Variants in HACD2 observed in about 807,000 individuals in gnomAD.
HACD2 encodes the protein very-long-chain (3R)-3-hydroxyacyl-CoA dehydratase 2.
A neutral mutation model predicts 31.0 loss-of-function variants in HACD2; 15 were observed. That is an observed-to-expected ratio of 0.48 (90% CI 0.32 to 0.75). The LOEUF is 0.75. Among genes scored for constraint, HACD2 ranks in the 30% least tolerant of loss-of-function variants. The pLI is 0.03. For synonymous variants in HACD2, 115 were observed against 122.2 expected (o/e 0.94, Z 0.39); for missense variants, 283 against 313.0 (o/e 0.90, Z 0.72).
At chr3:123,496,348 G>A (rs905239010) in intron 6 of HACD2, among the ~76,000 whole-genome samples, 9 of 152,132 alleles carry the variant, frequency 5.9e-5, no homozygotes, top group Admixed American at 3.3e-4. Context: ...ATACTGTCAC[G>A]AATATTTTTT....
At chr3:123,554,026 T>C (rs2056647250) in intron 3 of HACD2, among the ~76,000 whole-genome samples, 1 of 60,662 alleles carries the variant, frequency 1.6e-5, no homozygotes. Context: ...TTCTTGAAAA[T>C]GCTGCTGCAT....
At chr3:123,544,689 A>T (rs1288729403) in intron 3 of HACD2, among the ~76,000 whole-genome samples, 1 of 152,240 alleles carries the variant, frequency 6.6e-6, no homozygotes, top group African/African-American at 2.4e-5. Context: ...GGAATTATTT[A>T]TCTAAAGTTT....
Position 123,495,019 on chromosome 3 carries a change from T to C in HACD2, c.683-49A>G, listed in dbSNP as rs2055815825. 6 of 1,151,222 alleles carry C rather than the reference T, an allele frequency of 5.2e-6. No individual in the cohort carries two copies. The East Asian group carries it at 1.3e-4, about 25-fold the overall frequency. The allele number at this position is 1,151,222 out of a possible 1,614,324, so 71.3% of individuals were successfully genotyped here. On this transcript the variant is annotated intron_variant, in intron 6 of 6. Coordinates refer to ENST00000383657, the MANE Select transcript of HACD2 (RefSeq NM_198402.5). ...TAAGAGGATGGTTTAAAATTGCATA[T>C]GCTCTATTTAAAGCATATGAAGTTG... is the stretch of plus-strand genomic sequence containing the variant.
chr3:123,571,764 T>C (rs2056858079), intron 2 of HACD2, among the ~76,000 whole-genome samples: 1 of 152,208 alleles, frequency 6.6e-6, no homozygotes, highest in African/African-American at 2.4e-5. Flanking sequence ...TAGAAAACTA[T>C]GAGCTAATCG....
chr3:123,556,709 C>T (rs934444817), intron 3 of HACD2, among the ~76,000 whole-genome samples: 1 of 152,016 alleles, frequency 6.6e-6, no homozygotes, highest in Non-Finnish European at 1.5e-5. Context: ...TTGCTGAACA[C>T]CTGTCTGATA....
intron 6 of HACD2, among the ~76,000 whole-genome samples, chr3:123,495,474 C>T (rs2055821373): frequency 2.6e-5 from 4 of 152,056 alleles, no homozygotes; most frequent in Admixed American, 2.6e-4. Flanking sequence ...CATATGGTCC[C>T]AGGGCAGGTG....
At chr3:123,581,469 C>T (rs886641261) in intron 2 of HACD2, among the ~76,000 whole-genome samples, 2 of 152,062 alleles carry the variant, frequency 1.3e-5, no homozygotes, top group Admixed American at 6.6e-5. Flanking sequence ...ACAGATGCTG[C>T]GAAAAATAAA....
chr3:123,547,667 C>G (rs751738397), intron 3 of HACD2, among the ~76,000 whole-genome samples: 6 of 152,146 alleles, frequency 3.9e-5, no homozygotes, highest in Non-Finnish European at 8.8e-5. Context: ...TATGACCTAC[C>G]AGGATGACCA....
intron 3 of HACD2, among the ~76,000 whole-genome samples, chr3:123,544,551 G>A (rs563292940): frequency 2.4e-4 from 36 of 152,200 alleles, no homozygotes; most frequent in African/African-American, 7.5e-4. Context: ...TTTCTTGTTA[G>A]AAGATAAATC....
At chr3:123,520,385 G>C (rs2056198670) in intron 4 of HACD2, among the ~76,000 whole-genome samples, 2 of 152,192 alleles carry the variant, frequency 1.3e-5, no homozygotes, top group Admixed American at 1.3e-4. Context: ...ATGTCATACT[G>C]AATAGCCAGA....
At chr3:123,584,363 C>G (rs2107767175) in intron 1 of HACD2, 1 of 152,702 alleles carries the variant, frequency 6.5e-6, no homozygotes. Flanking sequence ...TAGCTCTGCT[C>G]ATGTCGCTGG....
chr3:123,581,809 C>T (rs927672341), intron 2 of HACD2, among the ~76,000 whole-genome samples: 9 of 152,120 alleles, frequency 5.9e-5, no homozygotes, highest in East Asian at 1.9e-4. Flanking sequence ...AAAATTTGGA[C>T]GCCTCTAGAC....
At chr3:123,515,716 G>C (rs1340973177) in intron 4 of HACD2, among the ~76,000 whole-genome samples, 1 of 151,830 alleles carries the variant, frequency 6.6e-6, no homozygotes, top group Non-Finnish European at 1.5e-5. Flanking sequence ...ATACACACAT[G>C]GTGGTTTAAA....
chr3:123,568,955 A>G (rs1265618615), intron 2 of HACD2, among the ~76,000 whole-genome samples: 1 of 152,178 alleles, frequency 6.6e-6, no homozygotes, highest in East Asian at 1.9e-4. Flanking sequence ...TTTCTATTCT[A>G]TCATATTATT....
rs2055808996 is a variant in HACD2 at position 123,494,506 on chromosome 3, T to A, written c.*382A>T. ...ACTGAAACATAACTATACTGCAAGCTGGGCTATTCAGCTGGTACGACTTCA... is the reference window on the plus strand; with the variant it reads ...ACTGAAACATAACTATACTGCAAGCAGGGCTATTCAGCTGGTACGACTTCA... On this transcript the variant is annotated 3_prime_UTR_variant, in exon 7 of 7. Coordinates refer to ENST00000383657, the MANE Select transcript of HACD2 (RefSeq NM_198402.5). 1.2e-5 allele frequency: 3 copies of A among 256,876 alleles called. No individual in the cohort carries two copies. The allele number at this position is 256,876 out of a possible 1,614,324, so 15.9% of individuals were successfully genotyped here.
chr3:123,582,920 C>T (rs1275632669), intron 1 of HACD2, among the ~76,000 whole-genome samples: 2 of 151,932 alleles, frequency 1.3e-5, no homozygotes, highest in Non-Finnish European at 2.9e-5. Flanking sequence ...AACCACGAAA[C>T]AGGAAAGCAC....
chr3:123,545,269 G>A (rs1465339414), intron 3 of HACD2, among the ~76,000 whole-genome samples: 1 of 150,350 alleles, frequency 6.7e-6, no homozygotes, highest in Admixed American at 6.6e-5. Context: ...ATCACTTGAG[G>A]TCAGGAGTTT....
rs2055783515 is a variant in HACD2, at chr3:123,493,063, G to C, written c.*1825C>G. 1 of 152,210 alleles carries C rather than the reference G, an allele frequency of 6.6e-6. No homozygotes were observed. The highest frequency in any genetic ancestry group is 2.4e-5 in the African/African-American group (1 of 41,452). The allele number at this position is 152,210 out of a possible 1,614,324, so 9.4% of individuals were successfully genotyped here. ...ATAAAAATAAGCACTTAAAAATTTA[G>C]TTTTCCAGGGGTTGGGTGCAGTGGC... On this transcript the variant is annotated 3_prime_UTR_variant, in exon 7 of 7. Transcript: ENST00000383657.
intron 3 of HACD2, among the ~76,000 whole-genome samples, chr3:123,561,606 C>A (rs1316014281): frequency 6.6e-6 from 1 of 151,132 alleles, no homozygotes; most frequent in Non-Finnish European, 1.5e-5. Context: ...AATCCCCATC[C>A]ATAAAGAGGG....
Sources: allele counts gnomAD v4.1 joint callset (sites outside exome capture counted in the v4.1 genomes callset), GRCh38; gene constraint gnomAD v4.1.1; transcripts MANE v1.5; gene names NCBI Gene and HGNC (gene_info 2026-07-23, HGNC 2026-07-21).